The following MYRIP variants were observed in gnomAD, a reference collection of about 807,000 sequenced individuals.
MYRIP encodes the protein myosin VIIA and Rab interacting protein, also known as rab effector MyRIP.
Under a neutral mutation model 98.0 loss-of-function variants are expected in MYRIP, and 49 were observed. That is an observed-to-expected ratio of 0.50 (90% confidence interval 0.40 to 0.63). The LOEUF (loss-of-function observed/expected upper bound fraction) is 0.63, where lower values mean the gene tolerates loss of function less well. Among genes scored for constraint, MYRIP ranks in the 30% least tolerant of loss-of-function variants. The pLI is 0.00. For synonymous variants in MYRIP, 404 were observed against 409.5 expected (o/e 0.99, Z 0.16); for missense variants, 1,004 against 1,058.2 (o/e 0.95, Z 0.71).
chr3:39,925,306 G>A (rs904984612), intron 2 of MYRIP, among the ~76,000 whole-genome samples: 3 of 151,822 alleles, frequency 2.0e-5, no homozygotes, highest in African/African-American at 4.8e-5. Context: ...ATAATAAAGC[G>A]AATATGATGA....
chr3:39,970,692 C>G (rs1945558556), intron 2 of MYRIP, among the ~76,000 whole-genome samples: 1 of 152,056 alleles, frequency 6.6e-6, no homozygotes, highest in Non-Finnish European at 1.5e-5. Context: ...GAAATTGTGA[C>G]TAATGCACAT....
intron 1 of MYRIP, among the ~76,000 whole-genome samples, chr3:39,826,021 T>C (rs951606484): frequency 1.3e-5 from 2 of 152,214 alleles, no homozygotes; most frequent in African/African-American, 4.8e-5. Flanking sequence ...TGATATCCAT[T>C]GTGACATCTT....
intron 10 of MYRIP, among the ~76,000 whole-genome samples, chr3:40,203,952 A>ATT (rs1951672451): frequency 6.5e-5 from 1 of 15,364 alleles, no homozygotes; most frequent in Non-Finnish European, 1.1e-4. Flanking sequence ...TATATATATT[A>ATT]TATATTATAT....
At chr3:39,969,836 T>C (rs146254907) in intron 2 of MYRIP, among the ~76,000 whole-genome samples, 1 of 152,326 alleles carries the variant, frequency 6.6e-6, no homozygotes, top group East Asian at 1.9e-4. Flanking sequence ...GCTGGCCTAA[T>C]AGAATGAGTT....
At chr3:40,049,403 T>C (rs1413911173) in intron 3 of MYRIP, among the ~76,000 whole-genome samples, 1 of 152,144 alleles carries the variant, frequency 6.6e-6, no homozygotes, top group East Asian at 1.9e-4. Context: ...GTTATGGTCA[T>C]CTGTAATCAG....
chr3:39,989,636 G>T (rs1356710252), intron 2 of MYRIP, among the ~76,000 whole-genome samples: 1 of 150,882 alleles, frequency 6.6e-6, no homozygotes, highest in Non-Finnish European at 1.5e-5. Flanking sequence ...AAGTCTACTG[G>T]TCTGCAGAGA....
At chr3:40,138,357 C>T (rs925721500) in intron 3 of MYRIP, among the ~76,000 whole-genome samples, 1 of 152,204 alleles carries the variant, frequency 6.6e-6, no homozygotes, top group Non-Finnish European at 1.5e-5. Flanking sequence ...AAGGCACAAC[C>T]TATCCCATTT....
At chr3:40,181,515 T>A (rs1240338026) in intron 8 of MYRIP, among the ~76,000 whole-genome samples, 1 of 152,186 alleles carries the variant, frequency 6.6e-6, no homozygotes, top group African/African-American at 2.4e-5. Context: ...GAATATACCC[T>A]TTCCTTCTTA....
At chr3:40,214,652 TTTC>T (rs1211923428) in intron 11 of MYRIP, among the ~76,000 whole-genome samples, 1 of 152,100 alleles carries the variant, frequency 6.6e-6, no homozygotes, top group Non-Finnish European at 1.5e-5. Flanking sequence ...AAAGGTCATG[TTTC>T]TTCTTTAAGT....
At chr3:40,217,681 G>A (rs936839450) in intron 11 of MYRIP, among the ~76,000 whole-genome samples, 3 of 152,054 alleles carry the variant, frequency 2.0e-5, no homozygotes, top group Non-Finnish European at 4.4e-5. Context: ...TTGTGAACCC[G>A]CTCTCCATAA....
chr3:40,180,173 G>C (rs777133783), intron 8 of MYRIP, among the ~76,000 whole-genome samples: 5 of 152,122 alleles, frequency 3.3e-5, no homozygotes, highest in Non-Finnish European at 5.9e-5. Context: ...TGTTAGCTTG[G>C]CTCTCCTCCA....
chr3:40,255,474 A>C (rs1953550862), intron 16 of MYRIP, among the ~76,000 whole-genome samples: 1 of 152,222 alleles, frequency 6.6e-6, no homozygotes, highest in African/African-American at 2.4e-5. Flanking sequence ...TTTAAATAAA[A>C]TAAAAATAAA....
At chr3:40,092,892 G>A (rs1166918021) in intron 3 of MYRIP, among the ~76,000 whole-genome samples, 1 of 152,140 alleles carries the variant, frequency 6.6e-6, no homozygotes, top group African/African-American at 2.4e-5. Context: ...CCCGTCGCAG[G>A]AGTTTAGTCT....
At chr3:39,865,696 G>A (rs1029799473) in intron 1 of MYRIP, among the ~76,000 whole-genome samples, 1 of 152,214 alleles carries the variant, frequency 6.6e-6, no homozygotes, top group Non-Finnish European at 1.5e-5. Context: ...AGGTTGCAGA[G>A]CAAGGGGAAC....
At chr3:40,025,694 G>A (rs1337314318) in intron 2 of MYRIP, among the ~76,000 whole-genome samples, 3 of 152,092 alleles carry the variant, frequency 2.0e-5, no homozygotes, top group Non-Finnish European at 2.9e-5. Context: ...CTGGGCCACG[G>A]AGGGTGTCAT....
intron 1 of MYRIP, among the ~76,000 whole-genome samples, chr3:39,816,775 T>C (rs1365609854): frequency 6.6e-6 from 1 of 152,198 alleles, no homozygotes; most frequent in Non-Finnish European, 1.5e-5. Context: ...CAGAAGAAAG[T>C]AAAAATCACC....
At chr3:40,111,275 T>C (rs971487333) in intron 3 of MYRIP, among the ~76,000 whole-genome samples, 1 of 152,172 alleles carries the variant, frequency 6.6e-6, no homozygotes, top group African/African-American at 2.4e-5. Context: ...ACCAGATCAT[T>C]TGTAGACAAG....
At chr3:40,001,836 G>A (rs1327608204) in intron 2 of MYRIP, among the ~76,000 whole-genome samples, 1 of 152,174 alleles carries the variant, frequency 6.6e-6, no homozygotes, top group African/African-American at 2.4e-5. Context: ...AGTGGCAATG[G>A]GGAGGAACAG....
chr3:39,845,738 A>C (rs1314329535), intron 1 of MYRIP, among the ~76,000 whole-genome samples: 1 of 151,610 alleles, frequency 6.6e-6, no homozygotes, highest in Admixed American at 6.6e-5. Flanking sequence ...TGATAAGGGA[A>C]TTGTCACCCA....
Sources: gnomAD v4.1 joint callset for allele counts (sites outside exome capture counted in the v4.1 genomes callset) on GRCh38, gnomAD v4.1.1 for gene constraint, MANE v1.5 for transcripts, NCBI Gene and HGNC (gene_info 2026-07-23, HGNC 2026-07-21) for gene names.